ACOX3: variants seen among roughly 807,000 people sequenced by gnomAD.
The protein encoded by ACOX3 is acyl-CoA oxidase 3, pristanoyl.
ACOX3 carries 73 observed loss-of-function variants against 81.5 expected under a neutral mutation model. That is an observed-to-expected ratio of 0.90 (90% CI 0.74 to 1.09). ACOX3 has a LOEUF of 1.09. Ranked by LOEUF, ACOX3 falls within the 50% of genes least tolerant of loss-of-function variation. The pLI is 0.00. For synonymous variants in ACOX3, 387 were observed against 375.1 expected (o/e 1.03, Z -0.37); for missense variants, 947 against 928.0 (o/e 1.02, Z -0.27).
intron 5 of ACOX3, 51 bp from the exon 6 acceptor site, chr4:8,410,406 C>G: frequency 6.3e-7 from 1 of 1,597,784 alleles, no homozygotes; most frequent in South Asian, 1.1e-5. Context: ...AAAGCACATG[C>G]AGAATTGGTG....
rs535879766 is a variant in ACOX3, at chr4:8,424,411, C to T, written c.-14-7876G>A. The stretch of plus-strand genomic sequence containing the variant: ...AAAAACAGGAATAGCTCTAGGATTC[C>T]TTACACAGGTCCGAGGGACCAGGTT... On this transcript the variant is annotated intron_variant, in intron 1 of 17. Coordinates refer to ENST00000356406, the MANE Select transcript of ACOX3 (RefSeq NM_003501.3). Among the ~76,000 whole-genome samples the T allele has an allele frequency of 3.9e-5, 6 of 152,318 alleles. No homozygotes were observed. The East Asian group carries it at 1.2e-3, about 29-fold the overall frequency.
In ACOX3 at chr4:8,392,254, G is replaced by T; in HGVS notation, c.1300+79C>A. The T allele has an allele frequency of 3.7e-6, 5 of 1,352,488 alleles. No individual in the cohort carries two copies. In the South Asian group the frequency reaches 1.1e-4, roughly 31 times the overall value. The allele number at this position is 1,352,488 out of a possible 1,614,324, so 83.8% of individuals were successfully genotyped here. A position where few individuals can be genotyped will look rare whatever the true frequency, so the allele number is the denominator to read the frequency against. On this transcript the variant is annotated intron_variant, in intron 11 of 17. Transcript: ENST00000356406. ...GCAGGCTGGATTTGGTCCTCAGGCC[G>T]CAGTCTGCCGACCCCTGGTCTAGAG...
At chr4:8,357,542 CGGT>C in the ACOX3 span, 2 of 297,622 alleles carry the variant, frequency 6.7e-6, no homozygotes, top group African/African-American at 2.2e-5. Context: ...AATCAGAAAA[CGGT>C]GGCAGCAAGC....
At chr4:8,361,135 T>G in the ACOX3 span, among the ~76,000 whole-genome samples, 2 of 151,934 alleles carry the variant, frequency 1.3e-5, no homozygotes, top group Admixed American at 6.6e-5. Flanking sequence ...GTTAAAGAAT[T>G]GTTTTAGGCC....
At position 8,423,479 on chromosome 4, in the gene ACOX3, AGGCCCAACAAG is replaced by A. The variant is rs1723163607; in HGVS notation, c.-14-6955_-14-6945del. Among the ~76,000 whole-genome samples the A allele has an allele frequency of 6.6e-6, 1 of 152,154 alleles. No individual in the cohort carries two copies. Among genetic ancestry groups the A allele is most frequent in the Non-Finnish European group, 1.5e-5 (1 of 68,026 alleles). On this transcript the variant is annotated intron_variant, in intron 1 of 17. Transcript: ENST00000356406. The surrounding 1 kb of genome is among the most constrained non-coding windows in gnomAD (Gnocchi z 4.2). ...CAAAGGCAGTACCCTCTTAGACCCGAGGCCCAACAAGGACTCCAAAAGATTGTTAAGGACCT... is the reference window on the plus strand; with the variant it reads ...CAAAGGCAGTACCCTCTTAGACCCGAGACTCCAAAAGATTGTTAAGGACCT...
Position 8,430,573 on chromosome 4 carries a change from C to T in ACOX3, c.-15+10075G>A, listed in dbSNP as rs1197775593. The stretch of plus-strand genomic sequence containing the variant: ...TTACTGACATTAGAAAAACATCTTT[C>T]GGCTGGGTGTGGTGGCTCACACCTA... On this transcript the variant is annotated intron_variant, in intron 1 of 17. Transcript: ENST00000356406. The surrounding 1 kb of genome is among the most constrained non-coding windows in gnomAD (Gnocchi z 5.2). Among the ~76,000 whole-genome samples the T allele has an allele frequency of 3.3e-5, 5 of 152,064 alleles. No homozygotes were observed. The highest frequency in any genetic ancestry group is 7.4e-5 in the Non-Finnish European group (5 of 68,010).
chr4:8,418,197 C>T (rs560176959), intron 1 of ACOX3, among the ~76,000 whole-genome samples: 1 of 152,308 alleles, frequency 6.6e-6, no homozygotes, highest in South Asian at 2.1e-4. Context: ...GACACCAAAA[C>T]CAGACAAAGA....
Position 8,414,291 on chromosome 4 carries a change from C to A in ACOX3, c.543+1G>T. The A allele has an allele frequency of 6.2e-7, 1 of 1,613,456 alleles. No individual in the cohort carries two copies. Among genetic ancestry groups the A allele is most frequent in the Non-Finnish European group, 8.5e-7 (1 of 1,179,442 alleles). On this transcript the variant is annotated splice_donor_variant, in intron 5 of 17. Coordinates refer to ENST00000356406, the MANE Select transcript of ACOX3 (RefSeq NM_003501.3). LOFTEE classifies it high-confidence loss of function. The surrounding 1 kb of genome is among the most constrained non-coding windows in gnomAD (Gnocchi z 6.1). ...GGGACCCGGGGGAAGGTAATACCTACCTCAGTGGCAGGATCGTAGTGGGCA... is the reference window on the plus strand; with the variant it reads ...GGGACCCGGGGGAAGGTAATACCTAACTCAGTGGCAGGATCGTAGTGGGCA...
intron 13 of ACOX3, among the ~76,000 whole-genome samples, chr4:8,388,608 C>A (rs765591515): frequency 6.2e-4 from 94 of 152,366 alleles, no homozygotes; most frequent in Non-Finnish European, 1.2e-3. Context: ...GACACACCTG[C>A]AGGAGGCTGT....
At position 8,432,441 on chromosome 4, in the gene ACOX3, G is replaced by C. The variant is rs1160120090; in HGVS notation, c.-15+8207C>G. ...GTAGAGACAGGTTTTCACTGTGTTA[G>C]CCAGGATAGTCTCGATCTCCTGACC... On this transcript the variant is annotated intron_variant, in intron 1 of 17. Coordinates refer to ENST00000356406, the MANE Select transcript of ACOX3 (RefSeq NM_003501.3). This position sits in a 1 kb window ranked among gnomAD's most constrained non-coding sequence, Gnocchi z 6.2. Among the ~76,000 whole-genome samples the C allele has an allele frequency of 6.6e-6, 1 of 151,976 alleles. No homozygotes were observed. Among genetic ancestry groups the C allele is most frequent in the Non-Finnish European group, 1.5e-5 (1 of 68,010 alleles).
chr4:8,374,738 G>C (rs1453110041), intron 15 of ACOX3: 1 of 413,504 alleles, frequency 2.4e-6, no homozygotes, highest in Non-Finnish European at 4.3e-6. Flanking sequence ...CCTTCTGGAA[G>C]TGTTCTCTGA....
intron 14 of ACOX3, among the ~76,000 whole-genome samples, chr4:8,380,423 T>C (rs1379569240): frequency 6.6e-6 from 1 of 152,102 alleles, no homozygotes; most frequent in Non-Finnish European, 1.5e-5. Flanking sequence ...TCTCCTGACC[T>C]TGTAATCCAC....
chr4:8,380,668 C>A (rs1488765701), intron 14 of ACOX3, among the ~76,000 whole-genome samples: 1 of 152,150 alleles, frequency 6.6e-6, no homozygotes, highest in African/African-American at 2.4e-5. Context: ...ACCTGGGTCC[C>A]CATAGCAGCT....
In ACOX3 at chr4:8,414,259, A is replaced by G; in HGVS notation, c.543+33T>C. 1 of 1,590,020 alleles carries G rather than the reference A, an allele frequency of 6.3e-7. No individual in the cohort carries two copies. The highest frequency in any genetic ancestry group is 8.6e-7 in the Non-Finnish European group (1 of 1,158,360). The stretch of plus-strand genomic sequence containing the variant: ...GCACTCATGACGTCTCATATGCTCC[A>G]AACTCAGGGACCCGGGGGAAGGTAA... On this transcript the variant is annotated intron_variant, in intron 5 of 17. Transcript: ENST00000356406. The surrounding 1 kb of genome is among the most constrained non-coding windows in gnomAD (Gnocchi z 6.1).
intron 9 of ACOX3, among the ~76,000 whole-genome samples, chr4:8,395,348 A>AGGGG (rs1719574817): frequency 9.1e-6 from 1 of 110,186 alleles, no homozygotes; most frequent in African/African-American, 3.5e-5. Context: ...GGGTAGATGG[A>AGGGG]TGGGTGGGTG....
rs1721010523 is a variant in ACOX3, at chr4:8,406,730, T to G, written c.688-687A>C. The stretch of plus-strand genomic sequence containing the variant: ...AGAGGAGACAGAGAGAAAGACAGCT[T>G]ACGCCATTATTTCTGCTTATTAGAG... On this transcript the variant is annotated intron_variant, in intron 6 of 17. Coordinates refer to ENST00000356406, the MANE Select transcript of ACOX3 (RefSeq NM_003501.3). This position sits in a 1 kb window ranked among gnomAD's most constrained non-coding sequence, Gnocchi z 5.6. Among the ~76,000 whole-genome samples the G allele has an allele frequency of 6.6e-6, 1 of 152,208 alleles. No individual in the cohort carries two copies. The highest frequency in any genetic ancestry group is 2.4e-5 in the African/African-American group (1 of 41,448).
chr4:8,404,161 T>G (rs1720666646), intron 7 of ACOX3, among the ~76,000 whole-genome samples: 1 of 152,238 alleles, frequency 6.6e-6, no homozygotes, highest in South Asian at 2.1e-4. Context: ...TCCAGATGGC[T>G]GGGGCTTCCC....
chr4:8,381,946 G>A lies in ACOX3; in HGVS notation c.1538-339C>T, dbSNP rs575246234. Reference sequence around the variant, plus strand: ...GGCTGCACGTTCTCGCACGCACCAGGCTCGGTCTGTGTGAAGCGTGGTGCT... The same window carrying A: ...GGCTGCACGTTCTCGCACGCACCAGACTCGGTCTGTGTGAAGCGTGGTGCT... On this transcript the variant is annotated intron_variant, in intron 13 of 17. Transcript: ENST00000356406. This position sits in a 1 kb window ranked among gnomAD's most constrained non-coding sequence, Gnocchi z 4.3. Among the ~76,000 whole-genome samples the A allele has an allele frequency of 3.3e-5, 5 of 152,358 alleles. No homozygotes were observed. The East Asian group carries it at 9.7e-4, about 29-fold the overall frequency.
intron 7 of ACOX3, among the ~76,000 whole-genome samples, chr4:8,404,929 C>CG (rs1720770155): frequency 6.6e-6 from 1 of 152,066 alleles, no homozygotes; most frequent in South Asian, 2.1e-4. Context: ...ATCAGGCTCT[C>CG]GGGGGAGACA....
Sources: allele counts gnomAD v4.1 joint callset (sites outside exome capture counted in the v4.1 genomes callset), GRCh38; gene constraint gnomAD v4.1.1; non-coding constraint Gnocchi (gnomAD v3.1); transcripts MANE v1.5; gene names NCBI Gene and HGNC (gene_info 2026-07-23, HGNC 2026-07-21).